The following SKIC3 variants were observed in gnomAD, a reference collection of about 807,000 sequenced individuals.
SKIC3 encodes the protein SKI3 subunit of superkiller complex, also known as superkiller complex protein 3.
chr5:95,476,357 C>A, the SKIC3 span, among the ~76,000 whole-genome samples: 25 of 152,252 alleles, frequency 1.6e-4, no homozygotes, highest in Non-Finnish European at 2.8e-4. Flanking sequence ...ACTTTGGAAT[C>A]TGATATCTAG....
chr5:95,494,742 C>T, the SKIC3 span: 1 of 1,613,748 alleles, frequency 6.2e-7, no homozygotes, highest in Non-Finnish European at 8.5e-7. Flanking sequence ...TCATCTTCTG[C>T]TGAACTGCTT....
the SKIC3 span, among the ~76,000 whole-genome samples, chr5:95,470,324 A>C: frequency 6.6e-6 from 1 of 152,174 alleles, no homozygotes; most frequent in African/African-American, 2.4e-5. Context: ...GTCACCATAT[A>C]AATAATACAA....
the SKIC3 span, chr5:95,515,193 A>G: frequency 2.6e-6 from 1 of 386,452 alleles, no homozygotes; most frequent in African/African-American, 2.1e-5. Context: ...CAGAACTTTT[A>G]ACCAACCAAT....
chr5:95,510,146 C>A, the SKIC3 span, among the ~76,000 whole-genome samples: 1 of 152,086 alleles, frequency 6.6e-6, no homozygotes, highest in African/African-American at 2.4e-5. Flanking sequence ...TTGGTACTTT[C>A]GGTGCAGTAT....
chr5:95,471,017 A>G, the SKIC3 span, among the ~76,000 whole-genome samples: 2 of 152,214 alleles, frequency 1.3e-5, no homozygotes, highest in Admixed American at 1.3e-4. Flanking sequence ...TATTTCAAAC[A>G]TTAAATTATA....
chr5:95,521,528 G>A, the SKIC3 span: 2 of 151,900 alleles, frequency 1.3e-5, no homozygotes, highest in Non-Finnish European at 2.9e-5. Flanking sequence ...GAAGGAAATG[G>A]AAGAAAGTAA....
the SKIC3 span, among the ~76,000 whole-genome samples, chr5:95,552,433 C>T: frequency 2.6e-5 from 4 of 152,162 alleles, no homozygotes; most frequent in African/African-American, 9.7e-5. Context: ...ATTTTCAGAG[C>T]TTCTTATATA....
the SKIC3 span, among the ~76,000 whole-genome samples, chr5:95,514,101 A>G: frequency 2.0e-5 from 3 of 152,130 alleles, no homozygotes; most frequent in East Asian, 5.8e-4. Context: ...TGCTTCACCA[A>G]TTAACTAGAA....
the SKIC3 span, chr5:95,524,722 A>C: frequency 8.3e-7 from 1 of 1,205,640 alleles, no homozygotes; most frequent in Admixed American, 2.2e-5. Flanking sequence ...GAAACCAATC[A>C]TCACTTTAGG....
chr5:95,514,190 A>C, the SKIC3 span, among the ~76,000 whole-genome samples: 3 of 152,232 alleles, frequency 2.0e-5, no homozygotes, highest in Non-Finnish European at 4.4e-5. Context: ...CTGACTGCTT[A>C]CTAATTCATT....
chr5:95,474,564 T>C, the SKIC3 span, among the ~76,000 whole-genome samples: 1 of 152,228 alleles, frequency 6.6e-6, no homozygotes, highest in African/African-American at 2.4e-5. Context: ...CTTCTTCTTT[T>C]GCATTGACCT....
the SKIC3 span, chr5:95,523,156 C>T: frequency 6.2e-7 from 1 of 1,611,110 alleles, no homozygotes; most frequent in Non-Finnish European, 8.5e-7. Context: ...ATTTAAGGAA[C>T]CGTTATGCTT....
the SKIC3 span, among the ~76,000 whole-genome samples, chr5:95,514,117 C>T: frequency 6.6e-6 from 1 of 152,098 alleles, no homozygotes; most frequent in African/African-American, 2.4e-5. Context: ...TAGAATTAGG[C>T]CCAAGAGTCT....
At chr5:95,520,822 A>C in the SKIC3 span, 3 of 1,603,224 alleles carry the variant, frequency 1.9e-6, no homozygotes, top group Non-Finnish European at 2.6e-6. Context: ...CCCAAACCTA[A>C]AATCAGGTAA....
At chr5:95,514,758 T>A in the SKIC3 span, 9 of 1,302,596 alleles carry the variant, frequency 6.9e-6, no homozygotes, top group African/African-American at 1.0e-4. Flanking sequence ...AAGTAAGCCC[T>A]CAAATGCTAT....
At chr5:95,501,717 T>TA in the SKIC3 span, among the ~76,000 whole-genome samples, 1,294 of 152,142 alleles carry the variant, frequency 8.5e-3, 17 homozygotes, top group African/African-American at 0.028. Flanking sequence ...TATATATATA[T>TA]TTTTTCCCAC....
chr5:95,517,976 C>T, the SKIC3 span, among the ~76,000 whole-genome samples: 1 of 151,942 alleles, frequency 6.6e-6, no homozygotes, highest in African/African-American at 2.4e-5. Context: ...TGCATTCTGC[C>T]CTTCTGCCAT....
chr5:95,472,778 T>A, the SKIC3 span, among the ~76,000 whole-genome samples: 1 of 152,142 alleles, frequency 6.6e-6, no homozygotes, highest in African/African-American at 2.4e-5. Context: ...CCCTCAGTGG[T>A]CCACAGTGTC....
the SKIC3 span, among the ~76,000 whole-genome samples, chr5:95,489,575 G>T: frequency 1.4e-5 from 2 of 143,792 alleles, no homozygotes; most frequent in Non-Finnish European, 3.0e-5. Flanking sequence ...TAACAAAGAA[G>T]AGAAAATAGC....
Sources: allele counts gnomAD v4.1 joint callset (sites outside exome capture counted in the v4.1 genomes callset), GRCh38; gene constraint gnomAD v4.1.1; transcripts MANE v1.5; gene names NCBI Gene and HGNC (gene_info 2026-07-23, HGNC 2026-07-21).